The following RIN2 variants were observed in gnomAD, a reference collection of about 807,000 sequenced individuals.
RIN2 encodes RAB5 interacting protein 2.
RIN2 carries 36 observed loss-of-function variants against 78.0 expected under a neutral mutation model. The ratio of observed to expected loss-of-function variants is 0.46; its 90% CI spans 0.35 to 0.61. The LOEUF (loss-of-function observed/expected upper bound fraction) is 0.61, where lower values mean the gene tolerates loss of function less well. Ranked by LOEUF, RIN2 falls within the 20% of genes least tolerant of loss-of-function variation. RIN2 has a pLI of 0.00. For missense variants in RIN2, 1,087 were observed against 1,159.7 expected (o/e 0.94, Z 0.91); for synonymous variants, 466 against 466.8 (o/e 1.00, Z 0.02).
At chr20:19,865,388 A>G (rs1341759395) in intron 2 of RIN2, among the ~76,000 whole-genome samples, 2 of 152,206 alleles carry the variant, frequency 1.3e-5, no homozygotes, top group African/African-American at 4.8e-5. Context: ...ACTGCCCAAT[A>G]AAACTGTATT....
chr20:19,844,602 T>TG (rs1286885464), intron 2 of RIN2, among the ~76,000 whole-genome samples: 171 of 15,536 alleles, frequency 0.011, 3 homozygotes, highest in African/African-American at 0.033. Flanking sequence ...TGCTTCTTCC[T>TG]CTTCTTCTTC....
At chr20:19,954,863 G>A (rs6136897) in intron 4 of RIN2, among the ~76,000 whole-genome samples, 16,456 of 152,064 alleles carry the variant, frequency 0.11, 944 homozygotes, top group East Asian at 0.16. Context: ...CTTAGGCCTC[G>A]GTCTTCTCAT....
chr20:19,980,376 C>G (rs1027200983), intron 9 of RIN2, among the ~76,000 whole-genome samples: 1 of 152,106 alleles, frequency 6.6e-6, no homozygotes, highest in Non-Finnish European at 1.5e-5. Flanking sequence ...TTACATCAAC[C>G]AAAACAAGGT....
chr20:19,900,857 G>A (rs564434959), intron 3 of RIN2, among the ~76,000 whole-genome samples: 5 of 149,054 alleles, frequency 3.4e-5, no homozygotes, highest in African/African-American at 1.2e-4. Flanking sequence ...GGCTGAGGCA[G>A]GAGAATCGCT....
At chr20:19,940,258 A>G (rs1048446668) in intron 4 of RIN2, among the ~76,000 whole-genome samples, 2 of 152,222 alleles carry the variant, frequency 1.3e-5, no homozygotes, top group African/African-American at 4.8e-5. Flanking sequence ...AGTATCTGGC[A>G]TAGAGCACGC....
chr20:19,763,666 A>G (rs2033745319), intron 1 of RIN2, among the ~76,000 whole-genome samples: 1 of 152,222 alleles, frequency 6.6e-6, no homozygotes, highest in South Asian at 2.1e-4. Context: ...TGAATTTTTT[A>G]ACGCTGTGGG....
At chr20:19,759,764 C>T (rs1405548862) in intron 1 of RIN2, among the ~76,000 whole-genome samples, 1 of 152,158 alleles carries the variant, frequency 6.6e-6, no homozygotes, top group Non-Finnish European at 1.5e-5. Flanking sequence ...ACTCGGGAGG[C>T]TGAGGTGGGA....
intron 1 of RIN2, among the ~76,000 whole-genome samples, chr20:19,777,118 C>T (rs1432136250): frequency 6.6e-6 from 1 of 152,190 alleles, no homozygotes; most frequent in Non-Finnish European, 1.5e-5. Flanking sequence ...TTTATCCTGG[C>T]TTCTCCCTCC....
chr20:19,802,216 C>T (rs62203172), intron 2 of RIN2, among the ~76,000 whole-genome samples: 11,423 of 152,194 alleles, frequency 0.075, 431 homozygotes, highest in South Asian at 0.11. Flanking sequence ...GTCACTTGCC[C>T]TACATCACCC....
intron 2 of RIN2, among the ~76,000 whole-genome samples, chr20:19,860,411 A>G (rs1333036112): frequency 6.6e-6 from 1 of 151,514 alleles, no homozygotes; most frequent in African/African-American, 2.4e-5. Context: ...TGCAACCTCC[A>G]CCTCCTCAAG....
Position 20,001,057 on chromosome 20 carries a change from T to A in RIN2, c.*121T>A. 1.1e-6 allele frequency: 1 copy of A among 936,478 alleles called. No individual in the cohort carries two copies. Among genetic ancestry groups the A allele is most frequent in the Non-Finnish European group, 1.6e-6 (1 of 643,430 alleles). 58.0% of individuals were successfully genotyped at this position (936,478 alleles called of 1,614,324 possible). A position where few individuals can be genotyped will look rare whatever the true frequency, so the allele number is the denominator to read the frequency against. On this transcript the variant is annotated 3_prime_UTR_variant, in exon 13 of 13. Transcript: ENST00000255006. ...CTCGGGGACCCCTCAGTGTAGTGAC[T>A]AAGCCATCCACAGGCCAACTCGGCC... is the stretch of plus-strand genomic sequence containing the variant.
chr20:19,885,825 A>G (rs2038165866), intron 2 of RIN2, among the ~76,000 whole-genome samples: 2 of 152,254 alleles, frequency 1.3e-5, no homozygotes, highest in African/African-American at 2.4e-5. Context: ...TGCAATATGT[A>G]TACCTATATA....
At chr20:19,934,584 G>A in intron 3 of RIN2, 1 of 984,694 alleles carries the variant, frequency 1.0e-6, no homozygotes, top group Non-Finnish European at 1.2e-6. Context: ...GCAAAGAATA[G>A]AACAAGAAAT....
At chr20:19,793,678 T>C (rs755187248) in intron 1 of RIN2, among the ~76,000 whole-genome samples, 16 of 152,226 alleles carry the variant, frequency 1.1e-4, no homozygotes, top group Non-Finnish European at 2.1e-4. Context: ...TCTAGAAATC[T>C]TGCACAAAGA....
intron 9 of RIN2, among the ~76,000 whole-genome samples, chr20:19,986,926 A>G (rs911252434): frequency 6.6e-6 from 1 of 152,204 alleles, no homozygotes; most frequent in Non-Finnish European, 1.5e-5. Context: ...GAACATCTCT[A>G]ATCCCTGGTG....
intron 2 of RIN2, among the ~76,000 whole-genome samples, chr20:19,805,682 A>G (rs1469831323): frequency 6.6e-6 from 1 of 150,972 alleles, no homozygotes; most frequent in Non-Finnish European, 1.5e-5. Context: ...GATTACAGGC[A>G]TGAGCCACTG....
intron 1 of RIN2, among the ~76,000 whole-genome samples, chr20:19,776,289 G>T (rs116756233): frequency 0.011 from 1,675 of 152,288 alleles, 27 homozygotes; most frequent in African/African-American, 0.038. Flanking sequence ...ACAGATTCTT[G>T]AAGTCTGATG....
chr20:19,833,753 C>A (rs35807728), intron 2 of RIN2, among the ~76,000 whole-genome samples: 4,741 of 152,294 alleles, frequency 0.031, 129 homozygotes, highest in South Asian at 0.11. Context: ...GCCTCCCTCC[C>A]CAGGAGATTC....
chr20:19,933,422 C>T (rs768620640), intron 3 of RIN2, among the ~76,000 whole-genome samples: 9 of 152,106 alleles, frequency 5.9e-5, no homozygotes, highest in Non-Finnish European at 1.3e-4. Context: ...AAAGACTTGC[C>T]CTGACCAACC....
Sources: gnomAD v4.1 joint callset for allele counts (sites outside exome capture counted in the v4.1 genomes callset) on GRCh38, gnomAD v4.1.1 for gene constraint, MANE v1.5 for transcripts, NCBI Gene and HGNC (gene_info 2026-07-23, HGNC 2026-07-21) for gene names.